The following ITGA4 variants were observed in gnomAD, a reference collection of about 807,000 sequenced individuals.
ITGA4 encodes the protein integrin subunit alpha 4.
Under a neutral mutation model 133.6 loss-of-function variants are expected in ITGA4, and 63 were observed. The ratio of observed to expected loss-of-function variants is 0.47; its 90% CI spans 0.38 to 0.58. ITGA4 has a LOEUF of 0.58. ITGA4 is among the 20% of genes least tolerant of loss of function. ITGA4 has a pLI of 0.00. For missense variants in ITGA4, 1,076 were observed against 1,252.7 expected, an observed-to-expected ratio of 0.86 and a Z score of 2.13; for synonymous variants, 483 against 438.0, an observed-to-expected ratio of 1.10 and a Z score of -1.28.
chr2:181,490,233 T>A (rs1222696075), intron 10 of ITGA4, among the ~76,000 whole-genome samples: 1 of 152,120 alleles, frequency 6.6e-6, no homozygotes, highest in Non-Finnish European at 1.5e-5. Flanking sequence ...CCTTTTAGTT[T>A]TTACTTTTTC....
Position 181,530,658 on chromosome 2 carries a change from C to A in ITGA4, c.2664+9C>A, listed in dbSNP as rs538069936. 5 of 1,607,066 alleles carry A rather than the reference C, an allele frequency of 3.1e-6. No homozygotes were observed. The East Asian group carries it at 1.1e-4, about 36-fold the overall frequency. The stretch of plus-strand genomic sequence containing the variant: ...CTGATAAGAGGCTATTGGTAAGTTT[C>A]AGTTTTTCAGGTTGTAGTTCCTGCT... On this transcript the variant is annotated intron_variant, in intron 24 of 27. Coordinates refer to ENST00000397033, the MANE Select transcript of ITGA4 (RefSeq NM_000885.6).
At chr2:181,504,201 G>A (rs1686343547) in intron 15 of ITGA4, among the ~76,000 whole-genome samples, 1 of 152,074 alleles carries the variant, frequency 6.6e-6, no homozygotes. Flanking sequence ...CTGAGAGCCA[G>A]TGAATTCAGT....
In ITGA4 at chr2:181,495,539, A is replaced by G; in HGVS notation, c.1385+123A>G. ...TGCTCTTTTGGTATTCTGAAGCTTA[A>G]TTATTGATTTTTAGGGTATTTTTTT... On this transcript the variant is annotated intron_variant, in intron 13 of 27. Coordinates refer to ENST00000397033, the MANE Select transcript of ITGA4 (RefSeq NM_000885.6). This position sits in a 1 kb window ranked among gnomAD's most constrained non-coding sequence, Gnocchi z 4.3. 3.8e-6 allele frequency: 3 copies of G among 793,952 alleles called. No individual in the cohort carries two copies. The highest frequency in any genetic ancestry group is 6.4e-6 in the Non-Finnish European group (3 of 468,992). 49.2% of individuals were successfully genotyped at this position (793,952 alleles called of 1,614,324 possible).
Position 181,538,338 on chromosome 2 carries a change from T to C in ITGA4, c.*2811T>C, listed in dbSNP as rs1378522028. ...ACACAATGCCAATGCCAAATACAAA[T>C]TGATAACAAACACAGCATTCCCAAC... is the stretch of plus-strand genomic sequence containing the variant. On this transcript the variant is annotated 3_prime_UTR_variant, in exon 28 of 28. Transcript: ENST00000397033. The C allele has an allele frequency of 6.9e-6, 5 of 723,812 alleles. No homozygotes were observed. Among genetic ancestry groups the C allele is most frequent in the East Asian group, 2.5e-5 (1 of 39,580 alleles). 44.8% of individuals were successfully genotyped at this position (723,812 alleles called of 1,614,324 possible). A position where few individuals can be genotyped will look rare whatever the true frequency, so the allele number is the denominator to read the frequency against.
Position 181,515,999 on chromosome 2 carries a change from T to C in ITGA4, c.1922+4224T>C, listed in dbSNP as rs947135063. 9.9e-4 allele frequency among the ~76,000 whole-genome samples: 8 copies of C among 8,114 alleles called. No individual in the cohort carries two copies. In the South Asian group the frequency reaches 0.22, roughly 225 times the overall value. 5.3% of individuals were successfully genotyped at this position (8,114 alleles called of 152,430 possible). The stretch of plus-strand genomic sequence containing the variant: ...AGTACGCTAAACAGTGCTTATCCAC[T>C]CTCTCTCATCTCTTAAGTTGAGGCT... On this transcript the variant is annotated intron_variant, in intron 17 of 27. Coordinates refer to ENST00000397033, the MANE Select transcript of ITGA4 (RefSeq NM_000885.6).
intron 16 of ITGA4, 58 bp from the exon 17 acceptor site, chr2:181,511,641 T>A: frequency 1.1e-6 from 1 of 884,406 alleles, no homozygotes; most frequent in Non-Finnish European, 1.8e-6. Context: ...CTTTAAAATA[T>A]ATATAAATAT....
chr2:181,520,349 T>C (rs1686691819), intron 17 of ITGA4, among the ~76,000 whole-genome samples: 1 of 152,096 alleles, frequency 6.6e-6, no homozygotes, highest in African/African-American at 2.4e-5. Context: ...TAGAAAAATA[T>C]GACTGAAACA....
At chr2:181,461,575 A>G (rs1385661706) in intron 2 of ITGA4, among the ~76,000 whole-genome samples, 2 of 152,270 alleles carry the variant, frequency 1.3e-5, no homozygotes, top group Middle Eastern at 3.4e-3. Flanking sequence ...GTCACAAATA[A>G]TGACTCAATT....
intron 10 of ITGA4, among the ~76,000 whole-genome samples, chr2:181,491,907 C>A (rs1686056114): frequency 6.6e-6 from 1 of 152,268 alleles, no homozygotes; most frequent in African/African-American, 2.4e-5. Context: ...CTTGCACAGG[C>A]ATTTCCCTGC....
chr2:181,518,888 G>C (rs1203920303), intron 17 of ITGA4, among the ~76,000 whole-genome samples: 2 of 151,914 alleles, frequency 1.3e-5, no homozygotes, highest in Non-Finnish European at 2.9e-5. Flanking sequence ...ACTTAGGCTG[G>C]TTGTGAAAGT....
At chr2:181,497,646 G>C (rs1409500931) in intron 14 of ITGA4, among the ~76,000 whole-genome samples, 1 of 151,972 alleles carries the variant, frequency 6.6e-6, no homozygotes, top group Non-Finnish European at 1.5e-5. Flanking sequence ...GAAAAAAGTA[G>C]GTAAAATTCT....
rs968824064 is a variant in ITGA4, at chr2:181,535,036, A to C, written c.3003+101A>C. On this transcript the variant is annotated intron_variant, in intron 27 of 27. Transcript: ENST00000397033. ...TTAGATTTAAATATTTCACTATTTG[A>C]ATGTTAACTTTTTATGTTGCTCAGT... The C allele has an allele frequency of 1.1e-5, 15 of 1,326,994 alleles. No individual in the cohort carries two copies. In the Admixed American group the frequency reaches 2.7e-4, roughly 24 times the overall value. The allele number at this position is 1,326,994 out of a possible 1,614,324, so 82.2% of individuals were successfully genotyped here. A position where few individuals can be genotyped will look rare whatever the true frequency, so the allele number is the denominator to read the frequency against.
chr2:181,475,486 A>C (rs72896193), intron 4 of ITGA4, among the ~76,000 whole-genome samples, 198 bp downstream of exon 4: 504 of 152,286 alleles, frequency 3.3e-3, no homozygotes, highest in Non-Finnish European at 5.7e-3. Flanking sequence ...GTGCTATAAA[A>C]ATTCTACAAT....
intron 2 of ITGA4, among the ~76,000 whole-genome samples, chr2:181,460,672 C>T (rs1685254408): frequency 6.6e-6 from 1 of 150,874 alleles, no homozygotes; most frequent in Non-Finnish European, 1.5e-5. Flanking sequence ...TTCAAAAATG[C>T]TTAGCTCAGT....
intron 9 of ITGA4, among the ~76,000 whole-genome samples, chr2:181,484,085 A>G (rs1399129404): frequency 6.6e-6 from 1 of 152,170 alleles, no homozygotes; most frequent in Non-Finnish European, 1.5e-5. Context: ...TCAACTCTGA[A>G]ATGGCACTAA....
At position 181,511,671 on chromosome 2, in the gene ITGA4, A is replaced by G. The variant is rs762651023; in HGVS notation, c.1846-28A>G. The G allele has an allele frequency of 7.0e-6, 9 of 1,290,802 alleles. No individual in the cohort carries two copies. The East Asian group carries it at 2.1e-4, about 30-fold the overall frequency. 80.0% of individuals were successfully genotyped at this position (1,290,802 alleles called of 1,614,324 possible). A position where few individuals can be genotyped will look rare whatever the true frequency, so the allele number is the denominator to read the frequency against. Reference sequence around the variant, plus strand: ...AAATATACTTGCTGATTAAATCAAAATAAAAAACGTTGTCTTTTTATTTCC... The same window carrying G: ...AAATATACTTGCTGATTAAATCAAAGTAAAAAACGTTGTCTTTTTATTTCC... On this transcript the variant is annotated intron_variant, in intron 16 of 27. Coordinates refer to ENST00000397033, the MANE Select transcript of ITGA4 (RefSeq NM_000885.6).
chr2:181,518,095 T>G (rs1487020558), intron 17 of ITGA4, among the ~76,000 whole-genome samples: 3 of 151,942 alleles, frequency 2.0e-5, no homozygotes, highest in Admixed American at 1.3e-4. Context: ...CCCACACACT[T>G]CCTCTCTCCC....
intron 10 of ITGA4, chr2:181,486,417 C>T (rs1685919226): frequency 6.5e-6 from 1 of 153,534 alleles, no homozygotes; most frequent in Non-Finnish European, 1.4e-5. Context: ...AGACACTGAC[C>T]AAACCCAACA....
rs778156895 is a variant in ITGA4, at chr2:181,534,926, T to C, written c.2994T>C (p.Val998=). The C allele has an allele frequency of 6.4e-7, 1 of 1,573,558 alleles. No individual in the cohort carries two copies. The change falls in exon 27 of 28, where the codon GTT becomes GTC. Residue 998 remains valine (V), a synonymous_variant. Coordinates refer to ENST00000397033, the MANE Select transcript of ITGA4 (RefSeq NM_000885.6). ...GLIVLLLISY[V]MWKAGFFKRQ... is the part of the protein sequence containing the mutation. ...TTGTACTTCTATTGATCTCATATGT[T>C]ATGTGGAAGGTAAGCATTTAACAAT...
Sources: allele counts gnomAD v4.1 joint callset (sites outside exome capture counted in the v4.1 genomes callset), GRCh38; gene constraint gnomAD v4.1.1; non-coding constraint Gnocchi (gnomAD v3.1); transcripts MANE v1.5; gene names NCBI Gene and HGNC (gene_info 2026-07-23, HGNC 2026-07-21).